ABCA10: variants seen among roughly 807,000 people sequenced by gnomAD.
The protein encoded by ABCA10 is ATP-binding cassette sub-family A member 10.
ABCA10 carries 169 observed loss-of-function variants against 187.5 expected under a neutral mutation model. That is an observed-to-expected ratio of 0.90 (90% CI 0.80 to 1.02). The LOEUF (loss-of-function observed/expected upper bound fraction) is 1.02, where lower values mean the gene tolerates loss of function less well. Among genes scored for constraint, ABCA10 ranks in the 50% least tolerant of loss-of-function variants. ABCA10 has a pLI of 0.00. For missense variants in ABCA10, 1,727 were observed against 1,812.4 expected (o/e 0.95, Z 0.86); for synonymous variants, 574 against 601.8 (o/e 0.95, Z 0.68).
At chr17:69,185,702 C>A in intron 19 of ABCA10, 59 bp from the exon 20 acceptor site, 1 of 1,379,812 alleles carries the variant, frequency 7.2e-7, no homozygotes, top group Non-Finnish European at 1.0e-6. Flanking sequence ...TTATTTAAGT[C>A]ACAAAGATGC....
At chr17:69,187,557 G>T in intron 19 of ABCA10, 124 bp downstream of exon 19, 1 of 1,037,398 alleles carries the variant, frequency 9.6e-7, no homozygotes, top group Non-Finnish European at 1.3e-6. Flanking sequence ...CTCAGTAACA[G>T]CAGGATAGGT....
Position 69,165,094 on chromosome 17 carries a change from A to G in ABCA10, c.3163-11T>C. ...TACACATATTAAGATCTAGAAAAAAATCCAGAAGTATTATAATTTTCTCAG... is the reference window on the plus strand; with the variant it reads ...TACACATATTAAGATCTAGAAAAAAGTCCAGAAGTATTATAATTTTCTCAG... On this transcript the variant is annotated splice_polypyrimidine_tract_variant and intron_variant, in intron 25 of 38. Coordinates refer to ENST00000690296, the MANE Select transcript of ABCA10 (RefSeq NM_001377321.1). 6.6e-7 allele frequency: 1 copy of G among 1,516,994 alleles called. No individual in the cohort carries two copies. Among genetic ancestry groups the G allele is most frequent in the Non-Finnish European group, 9.1e-7 (1 of 1,095,756 alleles). The allele number at this position is 1,516,994 out of a possible 1,614,324, so 94.0% of individuals were successfully genotyped here.
At chr17:69,233,384 T>C (rs894465969), upstream of ABCA10, 17 of 152,228 alleles carry the variant, frequency 1.1e-4, no homozygotes, top group Admixed American at 3.3e-4. Context: ...TCCCTGTATT[T>C]TTCAACTCCG....
At chr17:69,226,595 C>G (rs186887005) in intron 2 of ABCA10, among the ~76,000 whole-genome samples, 1 of 152,074 alleles carries the variant, frequency 6.6e-6, no homozygotes, top group Non-Finnish European at 1.5e-5. Flanking sequence ...TATTGACAAT[C>G]TGTGATCTTA....
chr17:69,216,585 A>G (rs1277458492), intron 6 of ABCA10, among the ~76,000 whole-genome samples: 1 of 152,214 alleles, frequency 6.6e-6, no homozygotes, highest in Non-Finnish European at 1.5e-5. Context: ...CTGAGAAATA[A>G]ATGAGATAAT....
At position 69,153,604 on chromosome 17, in the gene ABCA10, C is replaced by A. The variant is rs147575795; in HGVS notation, c.3966-58G>T. The A allele has an allele frequency of 3.2e-4, 509 of 1,589,592 alleles. 3 individuals carry two copies. In the East Asian group the frequency reaches 8.1e-3, roughly 25 times the overall value. ...ATATGGCAAATGGACCTATCTAAAA[C>A]AACTGTAGGAAACTCTAAGCACTAT... On this transcript the variant is annotated intron_variant, in intron 32 of 38. Transcript: ENST00000690296.
chr17:69,201,744 G>T, intron 9 of ABCA10, 76 bp from the exon 10 acceptor site: 1 of 1,186,226 alleles, frequency 8.4e-7, no homozygotes, highest in Non-Finnish European at 1.1e-6. Flanking sequence ...TCCTTTACTT[G>T]ATATCAATTT....
intron 7 of ABCA10, 66 bp from the exon 8 acceptor site, chr17:69,216,066 C>A: frequency 6.4e-7 from 1 of 1,561,120 alleles, no homozygotes; most frequent in South Asian, 1.2e-5. Flanking sequence ...CAATATTCAT[C>A]GATTTCTCAC....
chr17:69,210,625 A>G (rs549986328), intron 9 of ABCA10, among the ~76,000 whole-genome samples: 3 of 151,470 alleles, frequency 2.0e-5, no homozygotes, highest in Admixed American at 1.3e-4. Context: ...ATGCTTTTGC[A>G]TCCTCATAGC....
At chr17:69,220,484 G>T (rs749759700) in intron 5 of ABCA10, among the ~76,000 whole-genome samples, 7 of 152,076 alleles carry the variant, frequency 4.6e-5, no homozygotes, top group Non-Finnish European at 5.9e-5. Flanking sequence ...GAAATAAGAG[G>T]CCAGGTAAAA....
intron 9 of ABCA10, among the ~76,000 whole-genome samples, chr17:69,206,404 C>A (rs2074591988): frequency 6.6e-6 from 1 of 152,120 alleles, no homozygotes; most frequent in Non-Finnish European, 1.5e-5. Context: ...TATCTACACT[C>A]AAAAATACCT....
rs752027289 is a variant in ABCA10, at chr17:69,165,130, TATC to T, written c.3163-50_3163-48del. 28 of 1,402,534 alleles carry T rather than the reference TATC, an allele frequency of 2.0e-5. No individual in the cohort carries two copies. In the East Asian group the frequency reaches 6.2e-4, roughly 31 times the overall value. The allele number at this position is 1,402,534 out of a possible 1,614,324, so 86.9% of individuals were successfully genotyped here. On this transcript the variant is annotated intron_variant, in intron 25 of 38. Coordinates refer to ENST00000690296, the MANE Select transcript of ABCA10 (RefSeq NM_001377321.1). ...TTATAATTTTCTCAGTTATATTTGA[TATC>T]TTAAGATATTTCCTGTGAATAACCT...
In ABCA10 at chr17:69,193,215, C is replaced by T. The variant is rs2074474200; in HGVS notation, c.1675G>A (p.Asp559Asn). ...CACACTCGGTGTCTTGAAAAGGGATCCAATCCAGCAGTTGGTTCATCTAGC... is the reference window on the plus strand; with the variant it reads ...CACACTCGGTGTCTTGAAAAGGGATTCAATCCAGCAGTTGGTTCATCTAGC... ...LLLDEPTAGL[D>N]PFSRHRVWSL... The change falls in exon 15 of 39, where the codon GAT becomes AAT. Residue 559 changes from aspartate to asparagine, a missense_variant. Coordinates refer to ENST00000690296, the MANE Select transcript of ABCA10 (RefSeq NM_001377321.1). 6.2e-7 allele frequency: 1 copy of T among 1,613,946 alleles called. No homozygotes were observed. Among genetic ancestry groups the T allele is most frequent in the East Asian group, 2.2e-5 (1 of 44,860 alleles).
chr17:69,224,675 A>G (rs1282282159), intron 3 of ABCA10, among the ~76,000 whole-genome samples: 1 of 140,630 alleles, frequency 7.1e-6, no homozygotes, highest in Non-Finnish European at 1.6e-5. Context: ...GATATGCAGA[A>G]AAAGTCTTAT....
At chr17:69,153,424 G>A (rs371378007) in intron 33 of ABCA10, 25 bp from the exon 34 acceptor site, 63 of 1,613,340 alleles carry the variant, frequency 3.9e-5, no homozygotes, top group African/African-American at 1.1e-4. Context: ...ACAGCCCGTC[G>A]GCACCCAGCC....
intron 9 of ABCA10, among the ~76,000 whole-genome samples, chr17:69,210,151 A>C (rs1356497706): frequency 1.4e-5 from 2 of 145,304 alleles, no homozygotes; most frequent in East Asian, 3.9e-4. Context: ...TACATGGGTA[A>C]ATTATTTAGT....
At position 69,152,040 on chromosome 17, in the gene ABCA10, T is replaced by C; in HGVS notation, c.4397+3A>G. 6.2e-7 allele frequency: 1 copy of C among 1,606,718 alleles called. No homozygotes were observed. The highest frequency in any genetic ancestry group is 8.5e-7 in the Non-Finnish European group (1 of 1,178,276). ...TGTCACTCAAACCGAAAACATCCTTTACCTTTCCTGCCAAGCAGCCTGTGG... is the reference window on the plus strand; with the variant it reads ...TGTCACTCAAACCGAAAACATCCTTCACCTTTCCTGCCAAGCAGCCTGTGG... On this transcript the variant is annotated splice_donor_region_variant and intron_variant, in intron 36 of 38. Transcript: ENST00000690296.
At chr17:69,235,242 T>C (rs907926337) in intron 1 of ABCA10, among the ~76,000 whole-genome samples, 6 of 152,206 alleles carry the variant, frequency 3.9e-5, no homozygotes, top group African/African-American at 1.4e-4. Context: ...GGAGAGTGCC[T>C]GAAACGTTTC....
At chr17:69,208,931 A>G (rs951194303) in intron 9 of ABCA10, among the ~76,000 whole-genome samples, 2 of 152,126 alleles carry the variant, frequency 1.3e-5, no homozygotes, top group African/African-American at 4.8e-5. Flanking sequence ...GGTCCCAGCT[A>G]CAGAGGAGGC....
Sources: allele counts gnomAD v4.1 joint callset (sites outside exome capture counted in the v4.1 genomes callset), GRCh38; gene constraint gnomAD v4.1.1; transcripts MANE v1.5; gene names NCBI Gene and HGNC (gene_info 2026-07-23, HGNC 2026-07-21).